FAM167A: variants seen among roughly 807,000 people sequenced by gnomAD.
FAM167A encodes the protein family with sequence similarity 167 member A.
In FAM167A, 23 loss-of-function variants were observed where a neutral mutation model predicts 14.9. The observed-to-expected ratio is 1.55, with a 90% confidence interval of 1.11 to 2.19. The LOEUF is 2.19. Among genes scored for constraint, FAM167A ranks in the 30% most tolerant of loss-of-function variants. The pLI, the probability that FAM167A is intolerant of heterozygous loss-of-function variation, is 0.00. For missense variants in FAM167A, 401 were observed against 281.5 expected, an observed-to-expected ratio of 1.42 and a Z score of -3.04; for synonymous variants, 174 against 117.7, an observed-to-expected ratio of 1.48 and a Z score of -3.10.
intron 1 of FAM167A, among the ~76,000 whole-genome samples, chr8:11,464,673 G>C (rs185740923): frequency 6.6e-6 from 1 of 152,166 alleles, no homozygotes; most frequent in African/African-American, 2.4e-5. Flanking sequence ...CTCATTTTCC[G>C]CCTTTGCAAG....
chr8:11,447,188 TC>T (rs754790606), intron 1 of FAM167A, among the ~76,000 whole-genome samples: 2 of 135,462 alleles, frequency 1.5e-5, no homozygotes, highest in East Asian at 4.6e-4. Flanking sequence ...CTTTTCTTTT[TC>T]TTTTTTTTGA....
At chr8:11,475,468 C>T (rs1209785390) in intron 1 of FAM167A, among the ~76,000 whole-genome samples, 1 of 152,068 alleles carries the variant, frequency 6.6e-6, no homozygotes, top group Non-Finnish European at 1.5e-5. Flanking sequence ...ACTCAGGCTT[C>T]TAGGATCTCA....
Position 11,422,460 on chromosome 8 carries a change from T to A in FAM167A, c.*1913A>T, listed in dbSNP as rs903996550. 3 of 152,128 alleles carry A rather than the reference T, an allele frequency of 2.0e-5. No individual in the cohort carries two copies. The highest frequency in any genetic ancestry group is 4.4e-5 in the Non-Finnish European group (3 of 68,150). The allele number at this position is 152,128 out of a possible 1,614,324, so 9.4% of individuals were successfully genotyped here. On this transcript the variant is annotated 3_prime_UTR_variant, in exon 3 of 3. Coordinates refer to ENST00000284486, the MANE Select transcript of FAM167A (RefSeq NM_053279.3). ...TGGAAAGAGGTTGGCAGGAAAGGAA[T>A]GCGTCTTCAGGACTTGGCAGTGTTT...
At chr8:11,445,372 G>C in intron 1 of FAM167A, 1 of 986,080 alleles carries the variant, frequency 1.0e-6, no homozygotes, top group African/African-American at 1.7e-5. Flanking sequence ...TCTACATCCA[G>C]GTCTTACTCT....
chr8:11,426,661 C>A (rs576573680), intron 2 of FAM167A, among the ~76,000 whole-genome samples: 202 of 152,148 alleles, frequency 1.3e-3, no homozygotes, highest in African/African-American at 4.7e-3. Flanking sequence ...GGAGTGGATA[C>A]TGGGGGAAGA....
At chr8:11,441,039 A>T (rs1563372410) in intron 2 of FAM167A, among the ~76,000 whole-genome samples, 1 of 152,234 alleles carries the variant, frequency 6.6e-6, no homozygotes, top group Non-Finnish European at 1.5e-5. Context: ...TCCCAGCAGC[A>T]GGCGGAACTG....
chr8:11,460,990 A>C (rs1807514634), intron 1 of FAM167A, among the ~76,000 whole-genome samples: 1 of 152,254 alleles, frequency 6.6e-6, no homozygotes, highest in African/African-American at 2.4e-5. Context: ...TCCTGCAGGA[A>C]GGCTGGGAGC....
chr8:11,469,619 C>A (rs191899723), upstream of FAM167A, among the ~76,000 whole-genome samples: 1 of 152,146 alleles, frequency 6.6e-6, no homozygotes, highest in South Asian at 2.1e-4. Flanking sequence ...GTAATCCCAG[C>A]AATTTGGGAG....
chr8:11,473,351 G>C (rs1808020642), intron 1 of FAM167A, among the ~76,000 whole-genome samples: 1 of 152,156 alleles, frequency 6.6e-6, no homozygotes, highest in Non-Finnish European at 1.5e-5. Context: ...CATGAGGCAG[G>C]CTTTGGAGGC....
chr8:11,452,448 G>T (rs1456154744), intron 1 of FAM167A, among the ~76,000 whole-genome samples: 1 of 152,262 alleles, frequency 6.6e-6, no homozygotes, highest in African/African-American at 2.4e-5. Context: ...GGTGCCTCTG[G>T]GCTGTTTCAG....
intron 2 of FAM167A, among the ~76,000 whole-genome samples, chr8:11,442,290 A>C (rs1161791115): frequency 1.3e-5 from 2 of 152,144 alleles, no homozygotes; most frequent in Non-Finnish European, 2.9e-5. Context: ...AGAAGCACGC[A>C]GGAGCTTTAA....
chr8:11,439,819 T>C (rs961535602), intron 2 of FAM167A, among the ~76,000 whole-genome samples: 11 of 152,104 alleles, frequency 7.2e-5, no homozygotes, highest in South Asian at 2.1e-4. Context: ...CAAGGGGAAC[T>C]TGTGGGTGTG....
At chr8:11,458,957 C>T (rs555764890) in intron 1 of FAM167A, among the ~76,000 whole-genome samples, 9 of 152,348 alleles carry the variant, frequency 5.9e-5, no homozygotes, top group Admixed American at 3.9e-4. Context: ...TTCAGGAGGG[C>T]GAATTCGCCC....
At chr8:11,439,273 T>G (rs940306717) in intron 2 of FAM167A, among the ~76,000 whole-genome samples, 3 of 152,232 alleles carry the variant, frequency 2.0e-5, no homozygotes, top group African/African-American at 7.2e-5. Context: ...GTTCCCTAGA[T>G]GGGGGGTATC....
chr8:11,433,422 T>C (rs1805758193), intron 2 of FAM167A, among the ~76,000 whole-genome samples: 1 of 152,212 alleles, frequency 6.6e-6, no homozygotes, highest in Admixed American at 6.5e-5. Context: ...AATGCTTCCA[T>C]TCCTGAAGAA....
chr8:11,460,161 TG>T (rs1585278857), intron 1 of FAM167A, among the ~76,000 whole-genome samples: 1 of 152,240 alleles, frequency 6.6e-6, no homozygotes, highest in East Asian at 1.9e-4. Flanking sequence ...TACAGGGCTC[TG>T]GGAGGGGCAG....
At chr8:11,470,922 G>C (rs1369511855), upstream of FAM167A, among the ~76,000 whole-genome samples, 1 of 152,188 alleles carries the variant, frequency 6.6e-6, no homozygotes, top group East Asian at 1.9e-4. Context: ...AGAAGAGGCT[G>C]ATTCAGGCTG....
At chr8:11,453,789 C>A (rs1045234008) in intron 1 of FAM167A, among the ~76,000 whole-genome samples, 1 of 152,056 alleles carries the variant, frequency 6.6e-6, no homozygotes, top group African/African-American at 2.4e-5. Context: ...AGCAGAACCA[C>A]CTTCACTGAG....
intron 1 of FAM167A, among the ~76,000 whole-genome samples, chr8:11,465,925 T>C (rs1463612163): frequency 6.6e-6 from 1 of 152,150 alleles, no homozygotes; most frequent in East Asian, 1.9e-4. Context: ...GTCCTCAGAA[T>C]TCCCTCCAAG....
Sources: allele counts gnomAD v4.1 joint callset (sites outside exome capture counted in the v4.1 genomes callset), GRCh38; gene constraint gnomAD v4.1.1; transcripts MANE v1.5; gene names NCBI Gene and HGNC (gene_info 2026-07-23, HGNC 2026-07-21).